The following PCCA variants were observed in gnomAD, a reference collection of about 807,000 sequenced individuals.
PCCA encodes propionyl-CoA carboxylase subunit alpha.
PCCA carries 74 observed loss-of-function variants against 101.3 expected under a neutral mutation model. The observed-to-expected ratio is 0.73, with a 90% confidence interval of 0.61 to 0.89. The LOEUF is 0.89. Among genes scored for constraint, PCCA ranks in the 40% least tolerant of loss-of-function variants. The pLI is 0.00. For missense variants in PCCA, 891 were observed against 907.0 expected (o/e 0.98, Z 0.23); for synonymous variants, 294 against 313.6 (o/e 0.94, Z 0.66).
intron 6 of PCCA, among the ~76,000 whole-genome samples, chr13:100,197,631 A>G (rs1458971296): frequency 6.6e-6 from 1 of 152,022 alleles, no homozygotes; most frequent in Admixed American, 6.6e-5. Flanking sequence ...TTTAGTAGAG[A>G]TGGTTTCACC....
chr13:100,344,539 A>G (rs903054424), intron 18 of PCCA, among the ~76,000 whole-genome samples: 2 of 152,206 alleles, frequency 1.3e-5, no homozygotes, highest in Admixed American at 1.3e-4. Context: ...TTTTTTTGTA[A>G]TAATCAAATG....
At chr13:100,225,005 C>G (rs1347125304) in intron 7 of PCCA, among the ~76,000 whole-genome samples, 1 of 152,162 alleles carries the variant, frequency 6.6e-6, no homozygotes, top group Non-Finnish European at 1.5e-5. Flanking sequence ...TGGGGAGCCT[C>G]TGAATAATTT....
At chr13:100,526,361 C>G (rs1236513473) in intron 22 of PCCA, among the ~76,000 whole-genome samples, 1 of 152,250 alleles carries the variant, frequency 6.6e-6, no homozygotes, top group Non-Finnish European at 1.5e-5. Flanking sequence ...CGCGGTGTCT[C>G]TCCTCCGTGC....
intron 8 of PCCA, among the ~76,000 whole-genome samples, chr13:100,251,779 G>C (rs1434448911): frequency 1.3e-5 from 2 of 152,118 alleles, no homozygotes. Context: ...TACTTTTGAT[G>C]CGATGGAAGA....
intron 8 of PCCA, among the ~76,000 whole-genome samples, chr13:100,257,075 T>C (rs1478360284): frequency 6.6e-6 from 1 of 152,180 alleles, no homozygotes; most frequent in Non-Finnish European, 1.5e-5. Flanking sequence ...CATAGCATCG[T>C]AGCCAGGTTT....
chr13:100,314,537 C>A (rs1420547866), intron 16 of PCCA, among the ~76,000 whole-genome samples: 2 of 152,186 alleles, frequency 1.3e-5, no homozygotes, highest in African/African-American at 4.8e-5. Flanking sequence ...CTGCTCCCAT[C>A]CTCTAAGAGT....
At chr13:100,451,172 A>G (rs373246811) in intron 21 of PCCA, among the ~76,000 whole-genome samples, 63 of 152,124 alleles carry the variant, frequency 4.1e-4, no homozygotes, top group African/African-American at 1.3e-3. Context: ...CCCACTGTGG[A>G]GGGTGATCTG....
At chr13:100,470,121 T>TA (rs2082884277) in intron 21 of PCCA, among the ~76,000 whole-genome samples, 1 of 152,100 alleles carries the variant, frequency 6.6e-6, no homozygotes, top group Non-Finnish European at 1.5e-5. Context: ...CTACCAAAAA[T>TA]AGAGTGGGCT....
intron 15 of PCCA, among the ~76,000 whole-genome samples, chr13:100,309,049 TC>T (rs2066697108): frequency 6.6e-6 from 1 of 152,156 alleles, no homozygotes; most frequent in Admixed American, 6.5e-5. Flanking sequence ...AAGATAGTCG[TC>T]TTCTTTCTTT....
chr13:100,154,983 A>C lies in PCCA; in HGVS notation c.305A>C (p.His102Pro), dbSNP rs766782802. The C allele has an allele frequency of 9.9e-6, 16 of 1,611,932 alleles. No homozygotes were observed. Among genetic ancestry groups the C allele is most frequent in the Admixed American group, 3.3e-5 (2 of 59,998 alleles). ...TGCAGAAATTTGTCTCCTCAGGTTC[A>C]TGTGAAAATGGCGGATGAGGCTGTC... Reference protein sequence around the residue: ...IHSDVDASSVHVKMADEAVCV... With the variant: ...IHSDVDASSVPVKMADEAVCV... Residue 102 changes from histidine to proline, a missense_variant, in exon 5 of 24, where the codon CAT (histidine) becomes CCT (proline). By Grantham distance (77) the His-to-Pro change is moderately conservative. Coordinates refer to ENST00000376285, the MANE Select transcript of PCCA (RefSeq NM_000282.4).
At chr13:100,218,430 C>T (rs2059638476) in intron 7 of PCCA, among the ~76,000 whole-genome samples, 1 of 152,004 alleles carries the variant, frequency 6.6e-6, no homozygotes, top group Admixed American at 6.6e-5. Context: ...TATCCACCCG[C>T]CTTGGCCTCC....
intron 4 of PCCA, among the ~76,000 whole-genome samples, chr13:100,125,485 C>T (rs1443902337): frequency 6.6e-6 from 1 of 152,124 alleles, no homozygotes; most frequent in African/African-American, 2.4e-5. Context: ...GGTTTTGAAT[C>T]TGGGAGTCTG....
intron 21 of PCCA, among the ~76,000 whole-genome samples, chr13:100,465,799 CT>C (rs760136819): frequency 2.0e-5 from 3 of 152,226 alleles, no homozygotes; most frequent in Non-Finnish European, 4.4e-5. Flanking sequence ...AGATGTGAAA[CT>C]TAGTGGCTGG....
intron 17 of PCCA, among the ~76,000 whole-genome samples, chr13:100,331,124 A>G (rs1369251195): frequency 6.6e-6 from 1 of 152,238 alleles, no homozygotes; most frequent in Non-Finnish European, 1.5e-5. Flanking sequence ...TGATGATTTT[A>G]TTCTGAAAAA....
At chr13:100,131,041 G>GA (rs1229115254) in intron 4 of PCCA, among the ~76,000 whole-genome samples, 1 of 151,910 alleles carries the variant, frequency 6.6e-6, no homozygotes, top group African/African-American at 2.4e-5. Flanking sequence ...ATCTGTGGAG[G>GA]AAAAAATGGA....
intron 12 of PCCA, among the ~76,000 whole-genome samples, chr13:100,284,215 T>C (rs1450427236): frequency 2.6e-5 from 4 of 152,240 alleles, no homozygotes; most frequent in African/African-American, 9.6e-5. Context: ...GACTTTGCTC[T>C]TTTCACATGC....
intron 21 of PCCA, among the ~76,000 whole-genome samples, chr13:100,467,361 C>T (rs971309362): frequency 2.6e-5 from 4 of 151,984 alleles, no homozygotes; most frequent in Admixed American, 1.3e-4. Flanking sequence ...TCTTGTATAG[C>T]GGGGGAGGAG....
At chr13:100,105,429 A>G (rs2047660166) in intron 2 of PCCA, among the ~76,000 whole-genome samples, 1 of 152,172 alleles carries the variant, frequency 6.6e-6, no homozygotes, top group South Asian at 2.1e-4. Context: ...ATTAACTAAC[A>G]TTTGTTGAAG....
intron 12 of PCCA, among the ~76,000 whole-genome samples, chr13:100,276,042 A>C (rs2063630921): frequency 6.6e-6 from 1 of 151,910 alleles, no homozygotes; most frequent in South Asian, 2.1e-4. Context: ...ACAGCCAATG[A>C]CTTTATGTTG....
Sources: allele counts gnomAD v4.1 joint callset (sites outside exome capture counted in the v4.1 genomes callset), GRCh38; gene constraint gnomAD v4.1.1; transcripts MANE v1.5; gene names NCBI Gene and HGNC (gene_info 2026-07-23, HGNC 2026-07-21).